Variants in CSMD1 observed in about 807,000 individuals in gnomAD.
CSMD1 encodes the protein CUB and Sushi multiple domains 1, also known as CUB and sushi domain-containing protein 1.
In CSMD1, 213 loss-of-function variants were observed where a neutral mutation model predicts 417.5. The ratio of observed to expected loss-of-function variants is 0.51; its 90% CI spans 0.46 to 0.57. CSMD1 has a LOEUF of 0.57. CSMD1 is among the 20% of genes least tolerant of loss of function. The pLI is 0.00. For synonymous variants in CSMD1, 2,862 were observed against 1,736.8 expected, an observed-to-expected ratio of 1.65 and a Z score of -16.11; for missense variants, 6,923 against 4,529.7, an observed-to-expected ratio of 1.53 and a Z score of -15.17.
chr8:4,939,150 CATTT>C (rs1444068551), intron 1 of CSMD1, among the ~76,000 whole-genome samples: 1 of 152,130 alleles, frequency 6.6e-6, no homozygotes, highest in African/African-American at 2.4e-5. Flanking sequence ...TGATGCCATT[CATTT>C]GTCTATTTTT....
chr8:4,013,531 G>C (rs1170920555), intron 4 of CSMD1, among the ~76,000 whole-genome samples: 7 of 152,126 alleles, frequency 4.6e-5, no homozygotes, highest in South Asian at 2.1e-4. Flanking sequence ...GGTCACCATA[G>C]CTCTTAATTA....
intron 2 of CSMD1, among the ~76,000 whole-genome samples, chr8:4,571,518 G>A (rs1291658881): frequency 6.6e-6 from 1 of 152,080 alleles, no homozygotes; most frequent in Non-Finnish European, 1.5e-5. Flanking sequence ...TGTTTGTTAT[G>A]ATTTATGTTC....
intron 49 of CSMD1, among the ~76,000 whole-genome samples, chr8:3,065,610 A>G (rs1439125897): frequency 1.3e-5 from 2 of 152,212 alleles, no homozygotes; most frequent in African/African-American, 4.8e-5. Flanking sequence ...AGATAGAAAG[A>G]TAGGAAGATG....
chr8:2,965,530 G>A (rs1803878990), intron 59 of CSMD1, among the ~76,000 whole-genome samples: 1 of 152,136 alleles, frequency 6.6e-6, no homozygotes, highest in Non-Finnish European at 1.5e-5. Flanking sequence ...ACTGAACCCC[G>A]ACATCTCCAG....
intron 3 of CSMD1, among the ~76,000 whole-genome samples, chr8:4,298,567 A>T (rs1265995707): frequency 1.3e-5 from 2 of 152,284 alleles, no homozygotes; most frequent in South Asian, 4.1e-4. Context: ...TACCCAATGA[A>T]TTTATGTAAA....
chr8:4,464,764 G>C (rs59171014), intron 2 of CSMD1, among the ~76,000 whole-genome samples: 1 of 152,078 alleles, frequency 6.6e-6, no homozygotes, highest in Non-Finnish European at 1.5e-5. Flanking sequence ...GGCGAGTCCT[G>C]CTGAGTGGGG....
intron 1 of CSMD1, among the ~76,000 whole-genome samples, chr8:4,894,336 A>C (rs1341601185): frequency 6.6e-6 from 1 of 151,964 alleles, no homozygotes; most frequent in Non-Finnish European, 1.5e-5. Context: ...TTTTCTACTA[A>C]TTCACTGCTT....
intron 3 of CSMD1, among the ~76,000 whole-genome samples, chr8:4,232,995 T>C (rs1015321806): frequency 7.9e-5 from 12 of 152,172 alleles, no homozygotes; most frequent in African/African-American, 2.4e-4. Context: ...AGGAAGAGGA[T>C]AGACGTGGTG....
At chr8:4,632,300 G>T (rs1310448994) in intron 2 of CSMD1, among the ~76,000 whole-genome samples, 1 of 152,122 alleles carries the variant, frequency 6.6e-6, no homozygotes, top group East Asian at 1.9e-4. Flanking sequence ...ATCACCTGAG[G>T]TCAGGAGTTC....
At chr8:3,602,211 T>C in intron 8 of CSMD1, among the ~76,000 whole-genome samples, 1 of 152,230 alleles carries the variant, frequency 6.6e-6, no homozygotes, top group Middle Eastern at 3.2e-3. Context: ...TGGTCCATCT[T>C]CCTGACCAAT....
intron 5 of CSMD1, among the ~76,000 whole-genome samples, chr8:3,817,506 C>T (rs1343790230): frequency 1.3e-5 from 2 of 151,876 alleles, no homozygotes; most frequent in East Asian, 3.9e-4. Context: ...GTCTCAATCT[C>T]CTGACCTTGT....
intron 25 of CSMD1, among the ~76,000 whole-genome samples, chr8:3,285,526 A>G (rs1219991323): frequency 1.3e-5 from 2 of 151,922 alleles, no homozygotes; most frequent in East Asian, 1.9e-4. Flanking sequence ...AGCTAGGACT[A>G]CAAGCATGAG....
intron 10 of CSMD1, among the ~76,000 whole-genome samples, chr8:3,565,187 T>C (rs1181145047): frequency 2.6e-5 from 1 of 38,010 alleles, no homozygotes; most frequent in East Asian, 9.1e-4. Context: ...GAAAGAAAGA[T>C]ACATAGATAG....
At chr8:4,670,353 G>A (rs536533168) in intron 1 of CSMD1, among the ~76,000 whole-genome samples, 2 of 152,092 alleles carry the variant, frequency 1.3e-5, no homozygotes, top group African/African-American at 4.8e-5. Flanking sequence ...ACCGTGTCAA[G>A]ATTGTGGCTA....
chr8:4,114,016 C>T (rs920188376), intron 3 of CSMD1, among the ~76,000 whole-genome samples: 1 of 152,170 alleles, frequency 6.6e-6, no homozygotes, highest in African/African-American at 2.4e-5. Context: ...GCACGTTCTC[C>T]AGAACATCTA....
At chr8:4,038,543 C>A (rs1175285726) in intron 3 of CSMD1, among the ~76,000 whole-genome samples, 3 of 152,076 alleles carry the variant, frequency 2.0e-5, no homozygotes, top group South Asian at 2.1e-4. Flanking sequence ...GAATTTTAAC[C>A]AGTTTGCCTG....
intron 3 of CSMD1, among the ~76,000 whole-genome samples, chr8:4,303,779 C>T (rs910413691): frequency 6.6e-6 from 1 of 152,036 alleles, no homozygotes; most frequent in Admixed American, 6.6e-5. Context: ...CCTCAGCCTC[C>T]TGAGTAGCTG....
intron 26 of CSMD1, among the ~76,000 whole-genome samples, chr8:3,233,899 A>T (rs1167380138): frequency 3.9e-5 from 6 of 152,080 alleles, no homozygotes; most frequent in Non-Finnish European, 8.8e-5. Flanking sequence ...GGCATTTTGG[A>T]TCCCAGGGAT....
chr8:4,767,450 A>G (rs1563333533), intron 1 of CSMD1, among the ~76,000 whole-genome samples: 1 of 152,092 alleles, frequency 6.6e-6, no homozygotes, highest in Admixed American at 6.6e-5. Flanking sequence ...AATCCCGCAC[A>G]TAGCTCACTG....
Sources: allele counts gnomAD v4.1 joint callset (sites outside exome capture counted in the v4.1 genomes callset), GRCh38; gene constraint gnomAD v4.1.1; transcripts MANE v1.5; gene names NCBI Gene and HGNC (gene_info 2026-07-23, HGNC 2026-07-21).